Variants in LPAR1 observed in about 807,000 individuals in gnomAD.
LPAR1 encodes the protein lysophosphatidic acid receptor 1.
LPAR1 carries 5 observed loss-of-function variants against 23.8 expected under a neutral mutation model. The observed-to-expected ratio is 0.21, with a 90% CI of 0.11 to 0.44. LPAR1 has a LOEUF of 0.44. LPAR1 is among the 20% of genes least tolerant of loss of function. LPAR1 has a pLI of 0.99. For missense variants in LPAR1, 311 were observed against 482.8 expected (o/e 0.64, Z 3.33); for synonymous variants, 160 against 164.7 (o/e 0.97, Z 0.22).
chr9:110,984,939 T>C (rs2096750320), intron 2 of LPAR1, among the ~76,000 whole-genome samples: 1 of 152,078 alleles, frequency 6.6e-6, no homozygotes, highest in Admixed American at 6.6e-5. Context: ...ATTTCTAAAG[T>C]TGATAAAATC....
In LPAR1 at chr9:110,955,280, A is replaced by G. The variant is rs115221875; in HGVS notation, c.46-13112T>C. Among the ~76,000 whole-genome samples the G allele has an allele frequency of 2.3e-3, 352 of 152,358 alleles. 3 individuals carry two copies. Among genetic ancestry groups the G allele is most frequent in the African/African-American group, 8.2e-3 (339 of 41,592 alleles). Reference sequence around the variant, plus strand: ...CAAATGAAAACCAAGAATGAACACAAGTACCTATACACATGTCAGATAAAA... The same window carrying G: ...CAAATGAAAACCAAGAATGAACACAGGTACCTATACACATGTCAGATAAAA... On this transcript the variant is annotated intron_variant, in intron 4 of 5. Coordinates refer to ENST00000683809, the MANE Select transcript of LPAR1 (RefSeq NM_001351411.2).
intron 5 of LPAR1, among the ~76,000 whole-genome samples, chr9:110,900,027 C>T (rs992024872): frequency 6.6e-6 from 1 of 152,184 alleles, no homozygotes; most frequent in African/African-American, 2.4e-5. Context: ...CAAATAGCAA[C>T]CCTCTTAAAA....
chr9:110,942,152 T>G lies in LPAR1; in HGVS notation c.62A>C (p.Glu21Ala), dbSNP rs1244452843. 1 of 1,613,034 alleles carries G rather than the reference T, an allele frequency of 6.2e-7. No individual in the cohort carries two copies. The highest frequency in any genetic ancestry group is 2.2e-5 in the East Asian group (1 of 44,872). Residue 21 changes from glutamate to alanine, a missense_variant, in exon 5 of 6, where the codon GAA becomes GCA. Coordinates refer to ENST00000683809, the MANE Select transcript of LPAR1 (RefSeq NM_001351411.2). ...GGACTCGTTGTAGAAGCACTGTGGT[T>G]CATTCATGGCTGTGAACTAAAAGAA... ...ISQPQFTAMN[E>A]PQCFYNESIA...
chr9:110,992,480 C>T (rs1407907159), intron 2 of LPAR1, among the ~76,000 whole-genome samples: 3 of 152,140 alleles, frequency 2.0e-5, no homozygotes, highest in Admixed American at 6.5e-5. Context: ...CCATTTAACT[C>T]CTAGGTATTT....
intron 4 of LPAR1, among the ~76,000 whole-genome samples, chr9:110,953,076 C>T (rs59866702): frequency 0.016 from 2,451 of 152,318 alleles, 66 homozygotes; most frequent in African/African-American, 0.054. Context: ...TATGGACCAC[C>T]TGGATCCCAC....
At chr9:110,881,599 T>A (rs2080860620) in intron 5 of LPAR1, among the ~76,000 whole-genome samples, 1 of 152,158 alleles carries the variant, frequency 6.6e-6, no homozygotes, top group Non-Finnish European at 1.5e-5. Flanking sequence ...AAAGTCCACA[T>A]TGAAATGACT....
At chr9:110,929,656 A>T (rs2094264062) in intron 5 of LPAR1, among the ~76,000 whole-genome samples, 1 of 151,988 alleles carries the variant, frequency 6.6e-6, no homozygotes, top group Non-Finnish European at 1.5e-5. Context: ...CATGTAATAT[A>T]GAATTGATTG....
In LPAR1 at chr9:110,944,476, GTTCTT is replaced by G. The variant is rs1454993626; in HGVS notation, c.46-2313_46-2309del. Among the ~76,000 whole-genome samples, 4 of 152,222 alleles carry G rather than the reference GTTCTT, an allele frequency of 2.6e-5. No homozygotes were observed. In the East Asian group the frequency reaches 5.8e-4, roughly 22 times the overall value. On this transcript the variant is annotated intron_variant, in intron 4 of 5. Transcript: ENST00000683809. ...TTTGTCAAGACAAATATAAAAGTCT[GTTCTT>G]TTCATTAGTCTCTATAACCATCTAC...
chr9:110,987,686 AT>A (rs2096814850), intron 2 of LPAR1, among the ~76,000 whole-genome samples: 1 of 151,604 alleles, frequency 6.6e-6, no homozygotes, highest in Non-Finnish European at 1.5e-5. Flanking sequence ...ATATATATAT[AT>A]ATAAAGTTGG....
chr9:110,991,574 TTTGTTTTGTTGTTG>T (rs1466140395), intron 2 of LPAR1, among the ~76,000 whole-genome samples: 849 of 83,312 alleles, frequency 0.01, 11 homozygotes, highest in African/African-American at 0.029. Flanking sequence ...ATCTTTCTGG[TTTGTTTTGTTGTTG>T]TTGTTGTTGT....
chr9:111,009,208 A>G (rs1008551756), intron 2 of LPAR1, among the ~76,000 whole-genome samples: 2 of 152,184 alleles, frequency 1.3e-5, no homozygotes, highest in Non-Finnish European at 2.9e-5. Flanking sequence ...GTTCCTAGAA[A>G]TATAAAAACA....
chr9:110,880,591 T>C (rs1323217882), intron 5 of LPAR1, among the ~76,000 whole-genome samples: 2 of 152,140 alleles, frequency 1.3e-5, no homozygotes, highest in African/African-American at 4.8e-5. Context: ...CAAAGTTGTG[T>C]TTTTACAAAA....
At chr9:110,986,414 G>GT (rs1362617819) in intron 2 of LPAR1, among the ~76,000 whole-genome samples, 1 of 152,032 alleles carries the variant, frequency 6.6e-6, no homozygotes, top group African/African-American at 2.4e-5. Context: ...AACATGAGAA[G>GT]TAATTTTCAG....
intron 5 of LPAR1, among the ~76,000 whole-genome samples, chr9:110,909,000 C>T (rs2091928733): frequency 6.6e-6 from 1 of 152,012 alleles, no homozygotes; most frequent in Admixed American, 6.6e-5. Context: ...ACCTTCAGGC[C>T]TCTCAAAAAA....
At chr9:110,956,780 C>G (rs1172252957) in intron 4 of LPAR1, among the ~76,000 whole-genome samples, 4 of 150,132 alleles carry the variant, frequency 2.7e-5, no homozygotes. Context: ...AATAATGAGA[C>G]TGAATCAGTA....
At chr9:110,924,279 T>G (rs1028221643) in intron 5 of LPAR1, among the ~76,000 whole-genome samples, 5 of 151,792 alleles carry the variant, frequency 3.3e-5, no homozygotes, top group African/African-American at 1.2e-4. Flanking sequence ...TGATTATATA[T>G]TTCATCATAT....
chr9:111,005,546 CAAAAAAAAAAAAAAAAAAAA>C (rs60143050), intron 2 of LPAR1, among the ~76,000 whole-genome samples: 3 of 70,336 alleles, frequency 4.3e-5, no homozygotes, highest in Non-Finnish European at 2.4e-5. Flanking sequence ...GACCCTGTCT[CAAAAAAAAAAAAAAAAAAAA>C]AAAAAAAAAA....
intron 4 of LPAR1, among the ~76,000 whole-genome samples, chr9:110,953,298 T>G (rs2095627448): frequency 6.6e-6 from 1 of 152,122 alleles, no homozygotes; most frequent in Non-Finnish European, 1.5e-5. Context: ...CTGACCCATC[T>G]GACATCCCCG....
intron 5 of LPAR1, among the ~76,000 whole-genome samples, chr9:110,939,926 A>G (rs905054789): frequency 2.5e-4 from 38 of 152,230 alleles, no homozygotes; most frequent in African/African-American, 9.2e-4. Flanking sequence ...TTAATGTCTC[A>G]TGTTTTATTT....
Sources: allele counts gnomAD v4.1 joint callset (sites outside exome capture counted in the v4.1 genomes callset), GRCh38; gene constraint gnomAD v4.1.1; transcripts MANE v1.5; gene names NCBI Gene and HGNC (gene_info 2026-07-23, HGNC 2026-07-21).